Variants in SNRPN observed in about 807,000 individuals in gnomAD.
SNRPN encodes small nuclear ribonucleoprotein-associated protein N.
SNRPN carries 7 observed loss-of-function variants against 25.2 expected under a neutral mutation model. The observed-to-expected ratio is 0.28, with a 90% CI of 0.16 to 0.52. SNRPN has a LOEUF of 0.52. Ranked by LOEUF, SNRPN falls within the 20% of genes least tolerant of loss-of-function variation. The pLI is 0.96. For missense variants in SNRPN, 196 were observed against 322.5 expected, an observed-to-expected ratio of 0.61 and a Z score of 3.00; for synonymous variants, 124 against 110.6, an observed-to-expected ratio of 1.12 and a Z score of -0.76.
intron 3 of SNRPN, among the ~76,000 whole-genome samples, chr15:24,938,050 A>T (rs1225321347): frequency 6.6e-6 from 1 of 151,522 alleles, no homozygotes; most frequent in Non-Finnish European, 1.5e-5. Context: ...CTTTTGGGTA[A>T]TGCAAATAAT....
In SNRPN at chr15:24,873,010, G is replaced by A. The variant is rs183498846; in HGVS notation, c.-578-13506G>A. 1.6e-3 allele frequency among the ~76,000 whole-genome samples: 192 copies of A among 121,464 alleles called. 49 individuals are homozygous for A. The highest frequency in any genetic ancestry group is 5.0e-3 in the African/African-American group (178 of 35,314). 79.7% of individuals were successfully genotyped at this position (121,464 alleles called of 152,430 possible). A position where few individuals can be genotyped will look rare whatever the true frequency, so the allele number is the denominator to read the frequency against. Reference sequence around the variant, plus strand: ...CATTGACCTATATCACTGTCCTTATGCCAGTACCACAATGTCCTCATTACT... The same window carrying A: ...CATTGACCTATATCACTGTCCTTATACCAGTACCACAATGTCCTCATTACT... On this transcript the variant is annotated intron_variant, in intron 1 of 11. Coordinates refer to the SNRPN transcript ENST00000400097.
At chr15:24,943,622 G>A (rs2061696356) in intron 3 of SNRPN, among the ~76,000 whole-genome samples, 1 of 152,070 alleles carries the variant, frequency 6.6e-6, no homozygotes. Flanking sequence ...CTATGGTTAA[G>A]CCTTTAGTCT....
At position 24,976,383 on chromosome 15, in the gene SNRPN, A is replaced by G; in HGVS notation, c.234A>G (p.Val78=). ...TGTTGCTGCGTGGGGAGAACTTGGT[A>G]TCCATGACTGTGGAGGGGCCACCCC... The part of the protein sequence containing the change: ...GLVLLRGENL[V]SMTVEGPPPK... The change falls in exon 6 of 10, where the codon GTA becomes GTG. Residue 78 remains valine, a synonymous_variant. Transcript: ENST00000390687. 2 of 1,612,996 alleles carry G rather than the reference A, an allele frequency of 1.2e-6. No homozygotes were observed. Among genetic ancestry groups the G allele is most frequent in the Non-Finnish European group, 1.7e-6 (2 of 1,179,672 alleles).
chr15:24,890,765 T>G (rs977646868), intron 2 of SNRPN, among the ~76,000 whole-genome samples: 1 of 152,230 alleles, frequency 6.6e-6, no homozygotes, highest in Non-Finnish European at 1.5e-5. Context: ...TCACATGTCA[T>G]GTAAAACTTA....
intron 2 of SNRPN, among the ~76,000 whole-genome samples, chr15:24,918,237 C>A (rs1235513731): frequency 6.6e-6 from 1 of 150,638 alleles, no homozygotes; most frequent in Non-Finnish European, 1.5e-5. Flanking sequence ...AGGACTTTTA[C>A]AGCAAATTTG....
intron 2 of SNRPN, among the ~76,000 whole-genome samples, chr15:24,831,103 C>A (rs994457340): frequency 7.2e-5 from 11 of 151,886 alleles, no homozygotes; most frequent in African/African-American, 2.7e-4. Flanking sequence ...TAGACTGATG[C>A]CCTGTTGCTC....
At chr15:24,976,776 G>C (rs182835206) in intron 6 of SNRPN, 101 bp from the exon 7 acceptor site, 1 of 1,002,342 alleles carries the variant, frequency 1.0e-6, no homozygotes, top group Non-Finnish European at 1.5e-6. Flanking sequence ...ATATGAGATA[G>C]GTGTCATGGG....
At chr15:24,843,130 A>G (rs557006946) in intron 2 of SNRPN, among the ~76,000 whole-genome samples, 3 of 152,054 alleles carry the variant, frequency 2.0e-5, no homozygotes, top group Non-Finnish European at 2.9e-5. Flanking sequence ...TTGGAGTGCA[A>G]TCCTGCAACC....
intron 3 of SNRPN, among the ~76,000 whole-genome samples, chr15:24,949,801 C>A (rs910314285): frequency 7.9e-5 from 12 of 152,122 alleles, no homozygotes; most frequent in African/African-American, 2.9e-4. Context: ...TTGTACCATG[C>A]CATAGTTGTT....
In SNRPN at chr15:24,929,011, T is replaced by C. The variant is rs995308407; in HGVS notation, c.-391+8887T>C. Among the ~76,000 whole-genome samples, 1 of 152,150 alleles carries C rather than the reference T, an allele frequency of 6.6e-6. No individual in the cohort carries two copies. Among genetic ancestry groups the C allele is most frequent in the Admixed American group, 6.6e-5 (1 of 15,262 alleles). Reference sequence around the variant, plus strand: ...CCACTATTAAATCAGCTGTGTTTTTTCCAAGGAATCCTGATTTCTATTGTG... The same window carrying C: ...CCACTATTAAATCAGCTGTGTTTTTCCCAAGGAATCCTGATTTCTATTGTG... On this transcript the variant is annotated intron_variant, in intron 3 of 11. Coordinates refer to the SNRPN transcript ENST00000400097. The surrounding 1 kb of genome is among the most constrained non-coding windows in gnomAD (Gnocchi z 5.3).
In SNRPN at chr15:24,968,160, T is replaced by C. The variant is rs2075920030; in HGVS notation, c.-144+78T>C. 3.5e-6 allele frequency: 3 copies of C among 855,956 alleles called. No individual in the cohort carries two copies. The African/African-American group carries it at 5.0e-5, about 14-fold the overall frequency. 53.0% of individuals were successfully genotyped at this position (855,956 alleles called of 1,614,324 possible). A position where few individuals can be genotyped will look rare whatever the true frequency, so the allele number is the denominator to read the frequency against. ...TGTTGGGGGTTCTCTTAATTATCAGTGACACATTAATTTTTTTCCTTAGAG... is the reference window on the plus strand; with the variant it reads ...TGTTGGGGGTTCTCTTAATTATCAGCGACACATTAATTTTTTTCCTTAGAG... On this transcript the variant is annotated intron_variant, in intron 3 of 9. Transcript: ENST00000390687.
In SNRPN at chr15:24,905,471, T is replaced by C. The variant is rs969154039; in HGVS notation, c.-504-14540T>C. ...TGGCAGTGAGCCGAGATCAAGCCAC[T>C]GCACTCGAGCCTGGGTGACAGAGTG... On this transcript the variant is annotated intron_variant, in intron 2 of 11. Coordinates refer to the SNRPN transcript ENST00000400097. Among the ~76,000 whole-genome samples the C allele has an allele frequency of 4.1e-5, 6 of 147,082 alleles. No individual in the cohort carries two copies. The East Asian group carries it at 1.2e-3, about 30-fold the overall frequency.
rs2077238898 is a variant in SNRPN at position 24,977,840 on chromosome 15, T to C, written c.483T>C (p.Ile161=). 3 of 1,613,558 alleles carry C rather than the reference T, an allele frequency of 1.9e-6. No homozygotes were observed. Among genetic ancestry groups the C allele is most frequent in the Admixed American group, 1.7e-5 (1 of 59,932 alleles). The change falls in exon 8 of 10, where the codon ATT becomes ATC. Residue 161 remains isoleucine, a synonymous_variant. Transcript: ENST00000390687. The part of the protein sequence containing the change: ...AAAAVAATAS[I]AGAPTQYPPG... ...CTGCTGTTGCTGCGACTGCCAGTAT[T>C]GCTGGAGCCCCAACACAGTACCCAC... is the stretch of plus-strand genomic sequence containing the variant.
chr15:24,971,357 ATTTTC>A (rs1438538050), intron 3 of SNRPN, among the ~76,000 whole-genome samples: 1 of 151,920 alleles, frequency 6.6e-6, no homozygotes, highest in Non-Finnish European at 1.5e-5. Flanking sequence ...GCAGTGATTT[ATTTTC>A]TTCTTTCACT....
rs536926930 is a variant in SNRPN at position 24,892,651 on chromosome 15, C to T, written c.-505+6062C>T. Among the ~76,000 whole-genome samples, 25 of 146,570 alleles carry T rather than the reference C, an allele frequency of 1.7e-4. No homozygotes were observed. In the South Asian group the frequency reaches 3.9e-3, roughly 23 times the overall value. On this transcript the variant is annotated intron_variant, in intron 2 of 11. Coordinates refer to the SNRPN transcript ENST00000400097. ...ACTCGGGAGGCTGAGGCAGGAGAAT[C>T]GCTTGAACCTGGGAGGTGGAAGCTG...
chr15:24,858,441 T>C (rs887578874), intron 1 of SNRPN, among the ~76,000 whole-genome samples: 2 of 148,390 alleles, frequency 1.3e-5, no homozygotes. Flanking sequence ...GTAGTGAAAA[T>C]GGAATTCCTC....
intron 3 of SNRPN, among the ~76,000 whole-genome samples, chr15:24,945,550 C>T (rs1200669751): frequency 6.6e-6 from 1 of 151,674 alleles, no homozygotes; most frequent in Non-Finnish European, 1.5e-5. Context: ...GGCCCCATCT[C>T]TTTAAAAAAA....
At chr15:24,866,011 T>C (rs184553019) in intron 1 of SNRPN, among the ~76,000 whole-genome samples, 11 of 152,292 alleles carry the variant, frequency 7.2e-5, no homozygotes, top group African/African-American at 2.4e-4. Flanking sequence ...TTTTTCCTGT[T>C]TTAACGGTTT....
chr15:24,832,076 A>G (rs757820493), intron 2 of SNRPN, among the ~76,000 whole-genome samples: 3 of 151,112 alleles, frequency 2.0e-5, no homozygotes, highest in East Asian at 1.9e-4. Flanking sequence ...ATCCTTCACA[A>G]TTTTTCCCAT....
Sources: allele counts gnomAD v4.1 joint callset (sites outside exome capture counted in the v4.1 genomes callset), GRCh38; gene constraint gnomAD v4.1.1; non-coding constraint Gnocchi (gnomAD v3.1); transcripts MANE v1.5; gene names NCBI Gene and HGNC (gene_info 2026-07-23, HGNC 2026-07-21).